The following MEI1 variants were observed in gnomAD, a reference collection of about 807,000 sequenced individuals.
MEI1 encodes meiosis inhibitor protein 1.
In MEI1, 103 loss-of-function variants were observed where a neutral mutation model predicts 146.2. The ratio of observed to expected loss-of-function variants is 0.70; its 90% CI spans 0.60 to 0.83. MEI1 has a LOEUF of 0.83. Among genes scored for constraint, MEI1 ranks in the 40% least tolerant of loss-of-function variants. The pLI is 0.00. For missense variants in MEI1, 1,529 were observed against 1,533.0 expected (o/e 1.00, Z 0.04); for synonymous variants, 652 against 628.2 (o/e 1.04, Z -0.57).
At chr22:41,726,543 A>G (rs2071374819) in intron 7 of MEI1, among the ~76,000 whole-genome samples, 1 of 152,170 alleles carries the variant, frequency 6.6e-6, no homozygotes, top group Non-Finnish European at 1.5e-5. Flanking sequence ...TAAACCAAGA[A>G]TCATTGTTTT....
chr22:41,706,222 T>C (rs1165718549), intron 3 of MEI1, among the ~76,000 whole-genome samples: 2 of 152,090 alleles, frequency 1.3e-5, no homozygotes, highest in Admixed American at 1.3e-4. Flanking sequence ...ACTTACCATA[T>C]TGACTAGGCT....
At chr22:41,716,355 CTTTTT>C (rs6147630) in intron 5 of MEI1, among the ~76,000 whole-genome samples, 3 of 118,582 alleles carry the variant, frequency 2.5e-5, no homozygotes, top group African/African-American at 6.6e-5. Context: ...TCCATTCATT[CTTTTT>C]TTTTTTTTTT....
chr22:41,780,504 G>A (rs2075696414), intron 22 of MEI1, among the ~76,000 whole-genome samples: 2 of 151,928 alleles, frequency 1.3e-5, no homozygotes, highest in Admixed American at 6.6e-5. Context: ...GAATGCAGAA[G>A]CACATCTAAT....
chr22:41,744,235 A>AT (rs1336622020), intron 12 of MEI1, among the ~76,000 whole-genome samples: 1 of 150,992 alleles, frequency 6.6e-6, no homozygotes, highest in Non-Finnish European at 1.5e-5. Context: ...CAGTGGTGCG[A>AT]TTTTGGCTCA....
At chr22:41,704,702 C>G (rs1259061993) in intron 2 of MEI1, among the ~76,000 whole-genome samples, 1 of 152,164 alleles carries the variant, frequency 6.6e-6, no homozygotes, top group Admixed American at 6.5e-5. Flanking sequence ...GCATGAGCCA[C>G]TGCACCCTGC....
At chr22:41,793,985 C>G (rs550383746) in intron 27 of MEI1, 75 bp downstream of exon 27, 2 of 1,332,572 alleles carry the variant, frequency 1.5e-6, no homozygotes, top group South Asian at 2.5e-5. Context: ...CCCTCCTGCT[C>G]CAGCCTTCCA....
chr22:41,715,892 A>T (rs9306355), intron 4 of MEI1, 149 bp from the exon 5 acceptor site: 418,167 of 578,590 alleles, frequency 0.72, 158,578 homozygotes, highest in East Asian at 0.92. Context: ...CCAGTGGGGG[A>T]GCTGGACACT....
chr22:41,781,265 G>T lies in MEI1; in HGVS notation c.2816-19G>T. ...GAGTGTTTTGCGACAGGCCGACTGG[G>T]GACTTTCATCTCTTGCAGTAAGCAA... On this transcript the variant is annotated intron_variant, in intron 22 of 30. Coordinates refer to ENST00000401548, the MANE Select transcript of MEI1 (RefSeq NM_152513.4). The T allele has an allele frequency of 6.3e-7, 1 of 1,588,284 alleles. No homozygotes were observed. The highest frequency in any genetic ancestry group is 8.6e-7 in the Non-Finnish European group (1 of 1,163,284).
At chr22:41,722,895 C>T (rs2070992264) in intron 6 of MEI1, among the ~76,000 whole-genome samples, 1 of 152,118 alleles carries the variant, frequency 6.6e-6, no homozygotes, top group Non-Finnish European at 1.5e-5. Context: ...CCATGAATCC[C>T]AGCATAAGTA....
intron 1 of MEI1, among the ~76,000 whole-genome samples, chr22:41,700,987 T>C (rs957026707): frequency 1.3e-5 from 2 of 150,178 alleles, no homozygotes; most frequent in African/African-American, 4.9e-5. Context: ...TTGCCCAGGC[T>C]GGAGTGCAAT....
At chr22:41,699,897 C>T (rs543092573) in intron 1 of MEI1, among the ~76,000 whole-genome samples, 185 bp downstream of exon 1, 1 of 152,230 alleles carries the variant, frequency 6.6e-6, no homozygotes, top group Non-Finnish European at 1.5e-5. Context: ...GCCCCTCAGC[C>T]CCAGGCCGGC....
At chr22:41,715,206 A>C (rs1032294683) in intron 4 of MEI1, among the ~76,000 whole-genome samples, 1 of 152,092 alleles carries the variant, frequency 6.6e-6, no homozygotes, top group Non-Finnish European at 1.5e-5. Flanking sequence ...AGCCCTATCA[A>C]CAACCCTATA....
Position 41,703,396 on chromosome 22 carries a change from C to T in MEI1, c.240C>T (p.Val80=), listed in dbSNP as rs1428016726. Residue 80 remains valine (V), a synonymous_variant, in exon 2 of 31, where the codon GTC becomes GTT. Coordinates refer to ENST00000401548, the MANE Select transcript of MEI1 (RefSeq NM_152513.4). The part of the protein sequence containing the change: ...QDALVRHTSL[V]TQLVSQDQRV... The stretch of plus-strand genomic sequence containing the variant: ...CCCTTGTGAGGCATACCTCCCTGGT[C>T]ACGCAACTGGTGTCTCAGGATCAGA... 2 of 1,610,254 alleles carry T rather than the reference C, an allele frequency of 1.2e-6. No homozygotes were observed. The highest frequency in any genetic ancestry group is 8.5e-7 in the Non-Finnish European group (1 of 1,178,270).
At chr22:41,753,849 T>C in intron 16 of MEI1, 100 bp from the exon 17 acceptor site, 1 of 849,524 alleles carries the variant, frequency 1.2e-6, no homozygotes, top group Non-Finnish European at 2.0e-6. Flanking sequence ...CACTAGCCTC[T>C]GGCACAAAGC....
intron 3 of MEI1, 67 bp downstream of exon 3, chr22:41,705,621 C>T: frequency 7.1e-7 from 1 of 1,407,754 alleles, no homozygotes. Flanking sequence ...GCTCTGGTTA[C>T]TTGAGACCTT....
At chr22:41,750,808 C>T (rs2073695480) in intron 15 of MEI1, among the ~76,000 whole-genome samples, 1 of 152,170 alleles carries the variant, frequency 6.6e-6, no homozygotes, top group Non-Finnish European at 1.5e-5. Context: ...GAGAATTAAA[C>T]AAGATGATGC....
chr22:41,731,805 C>A (rs2071890941), intron 9 of MEI1, among the ~76,000 whole-genome samples: 1 of 152,096 alleles, frequency 6.6e-6, no homozygotes, highest in Non-Finnish European at 1.5e-5. Flanking sequence ...GAGAGAGATG[C>A]AAAGGGAAAT....
Position 41,716,043 on chromosome 22 carries a change from G to C in MEI1, c.426G>C (p.Leu142=), listed in dbSNP as rs373302130. 1.9e-6 allele frequency: 3 copies of C among 1,605,774 alleles called. No individual in the cohort carries two copies. The South Asian group carries it at 3.4e-5, about 18-fold the overall frequency. ...RCLLDECHKE[L]CNMPSMRGSL... ...TGGAGCATATTCACTTTCTGTAGCT[G>C]TGTAACATGCCCTCCATGCGAGGCA... The change falls in exon 5 of 31, where the codon CTG becomes CTC. Residue 142 remains leucine, a splice_region_variant and synonymous_variant. Transcript: ENST00000401548.
intron 19 of MEI1, among the ~76,000 whole-genome samples, chr22:41,766,212 C>T (rs1479085802): frequency 2.7e-5 from 4 of 145,924 alleles, no homozygotes; most frequent in African/African-American, 1.0e-4. Context: ...TTTGCTCTGT[C>T]GCCCAAGCTG....
Sources: gnomAD v4.1 joint callset for allele counts (sites outside exome capture counted in the v4.1 genomes callset) on GRCh38, gnomAD v4.1.1 for gene constraint, MANE v1.5 for transcripts, NCBI Gene and HGNC (gene_info 2026-07-23, HGNC 2026-07-21) for gene names.